The following FHOD3 variants were observed in gnomAD, a reference collection of about 807,000 sequenced individuals.
FHOD3 encodes the protein FH1/FH2 domain-containing protein 3.
A neutral mutation model predicts 173.0 loss-of-function variants in FHOD3; 90 were observed. That is an observed-to-expected ratio of 0.52 (90% CI 0.44 to 0.62). FHOD3 has a LOEUF of 0.62. Ranked by LOEUF, FHOD3 falls within the 20% of genes least tolerant of loss-of-function variation. The pLI is 0.00. For missense variants in FHOD3, 1,945 were observed against 2,034.7 expected (o/e 0.96, Z 0.85); for synonymous variants, 828 against 823.0 (o/e 1.01, Z -0.10).
At chr18:36,512,290 A>G (rs573375024) in intron 4 of FHOD3, 148 bp from the exon 5 acceptor site, 18 of 646,082 alleles carry the variant, frequency 2.8e-5, no homozygotes, top group Non-Finnish European at 3.9e-5. Context: ...TCTTTTGGCA[A>G]CAGTTGATAT....
intron 20 of FHOD3, among the ~76,000 whole-genome samples, chr18:36,737,502 C>A (rs1204501004): frequency 6.6e-6 from 1 of 152,124 alleles, no homozygotes; most frequent in Non-Finnish European, 1.5e-5. Context: ...AGGTTGTGGG[C>A]AAGCAAGGAA....
chr18:36,584,103 C>G (rs981375917), intron 6 of FHOD3, among the ~76,000 whole-genome samples: 1 of 152,210 alleles, frequency 6.6e-6, no homozygotes, highest in Middle Eastern at 3.2e-3. Context: ...GCTAAGAATA[C>G]AGGCGTGAGC....
chr18:36,376,907 C>T (rs559986337), intron 3 of FHOD3, among the ~76,000 whole-genome samples: 19 of 152,306 alleles, frequency 1.2e-4, no homozygotes, highest in African/African-American at 4.3e-4. Flanking sequence ...CACAGCCAGC[C>T]GATTTAGGAG....
intron 1 of FHOD3, among the ~76,000 whole-genome samples, chr18:36,321,076 A>AT (rs5824009): frequency 0.22 from 32,883 of 147,842 alleles, 4,803 homozygotes; most frequent in African/African-American, 0.42. Context: ...ATTTCCTGTG[A>AT]TTTTTTTTTT....
At chr18:36,637,837 A>G (rs1188061391) in intron 10 of FHOD3, among the ~76,000 whole-genome samples, 1 of 152,208 alleles carries the variant, frequency 6.6e-6, no homozygotes, top group Non-Finnish European at 1.5e-5. Context: ...CAGCATGGCA[A>G]ACAATTGGGG....
At chr18:36,692,143 A>G (rs1239163886) in intron 16 of FHOD3, among the ~76,000 whole-genome samples, 1 of 152,198 alleles carries the variant, frequency 6.6e-6, no homozygotes, top group East Asian at 1.9e-4. Flanking sequence ...AGATCGAGAA[A>G]CCACACCCAC....
chr18:36,603,522 G>C (rs1599837305), intron 8 of FHOD3, among the ~76,000 whole-genome samples: 1 of 151,584 alleles, frequency 6.6e-6, no homozygotes. Flanking sequence ...ATTATTATTT[G>C]AGGCAGAGTC....
Position 36,717,919 on chromosome 18 carries a change from T to G in FHOD3, c.2621T>G (p.Leu874Arg). The change falls in exon 19 of 29, where the codon CTG becomes CGG. Residue 874 changes from leucine to arginine, a missense_variant. Leu to Arg is a moderately radical substitution (Grantham distance 102). Around this residue, in one of 5 missense-constraint regions of FHOD3, gnomAD observed 1,099 missense variants for 1,051.2 expected, o/e 1.05. Coordinates refer to ENST00000590592, the MANE Select transcript of FHOD3 (RefSeq NM_001281740.3). ...LTNKRFMLDM[L>R]YAHNRKSPDD... ...AACAAACGGTTCATGCTTGACATGC[T>G]GTATGCCCATAACAGGAAGTCTCCG... 2 of 1,613,934 alleles carry G rather than the reference T, an allele frequency of 1.2e-6. No homozygotes were observed. The highest frequency in any genetic ancestry group is 1.7e-6 in the Non-Finnish European group (2 of 1,179,926).
intron 10 of FHOD3, among the ~76,000 whole-genome samples, chr18:36,635,695 A>G (rs1599987146): frequency 1.3e-5 from 2 of 152,224 alleles, no homozygotes; most frequent in Non-Finnish European, 1.5e-5. Flanking sequence ...GGATGTATCT[A>G]TGGGTCAGGC....
chr18:36,718,774 G>C, intron 19 of FHOD3, 59 bp downstream of exon 19: 1 of 1,547,324 alleles, frequency 6.5e-7, no homozygotes, highest in Non-Finnish European at 8.7e-7. Context: ...GAAGAGATTC[G>C]TTCTGTATAA....
chr18:36,475,916 ATG>A (rs2053550483), intron 3 of FHOD3, among the ~76,000 whole-genome samples: 1 of 152,130 alleles, frequency 6.6e-6, no homozygotes, highest in Non-Finnish European at 1.5e-5. Context: ...GCTCTAGAAA[ATG>A]TTATCTAAAA....
At chr18:36,575,795 T>C (rs1456397935) in intron 5 of FHOD3, among the ~76,000 whole-genome samples, 1 of 152,212 alleles carries the variant, frequency 6.6e-6, no homozygotes, top group Non-Finnish European at 1.5e-5. Context: ...AGCTAGTGTT[T>C]TCTGTTTGGA....
intron 17 of FHOD3, among the ~76,000 whole-genome samples, chr18:36,703,119 C>A (rs1220677994): frequency 6.6e-6 from 1 of 152,212 alleles, no homozygotes; most frequent in African/African-American, 2.4e-5. Flanking sequence ...TCGTGGGACA[C>A]TGTTCCCACC....
At chr18:36,334,067 C>T (rs1438781500) in intron 1 of FHOD3, among the ~76,000 whole-genome samples, 1 of 152,172 alleles carries the variant, frequency 6.6e-6, no homozygotes, top group East Asian at 1.9e-4. Flanking sequence ...TCTCTCTGAC[C>T]TCTGTTGAGT....
intron 3 of FHOD3, among the ~76,000 whole-genome samples, chr18:36,433,870 G>A (rs1362355553): frequency 1.3e-5 from 2 of 152,102 alleles, no homozygotes; most frequent in African/African-American, 2.4e-5. Context: ...TCAGAAAAAT[G>A]CACCCACTTT....
At chr18:36,555,779 A>G (rs1274248354) in intron 5 of FHOD3, among the ~76,000 whole-genome samples, 2 of 152,156 alleles carry the variant, frequency 1.3e-5, no homozygotes, top group African/African-American at 4.8e-5. Context: ...CCCCTTTATC[A>G]TTATGAAATG....
At chr18:36,451,312 G>A (rs1014966960) in intron 3 of FHOD3, among the ~76,000 whole-genome samples, 6 of 152,204 alleles carry the variant, frequency 3.9e-5, no homozygotes, top group Non-Finnish European at 7.3e-5. Flanking sequence ...AATAGCTGAT[G>A]TCACAGACTA....
chr18:36,377,292 C>G (rs940779196), intron 3 of FHOD3, among the ~76,000 whole-genome samples: 1 of 152,182 alleles, frequency 6.6e-6, no homozygotes, highest in Admixed American at 6.5e-5. Context: ...CCGAGTACCA[C>G]CTTCCTCCAC....
At chr18:36,457,445 A>G (rs1001296299) in intron 3 of FHOD3, among the ~76,000 whole-genome samples, 1 of 152,106 alleles carries the variant, frequency 6.6e-6, no homozygotes, top group Non-Finnish European at 1.5e-5. Flanking sequence ...TGTAGCACAC[A>G]CAAGCTTCCG....
Sources: allele counts gnomAD v4.1 joint callset (sites outside exome capture counted in the v4.1 genomes callset), GRCh38; gene constraint gnomAD v4.1.1; regional missense constraint gnomAD v4.1.1; transcripts MANE v1.5; gene names NCBI Gene and HGNC (gene_info 2026-07-23, HGNC 2026-07-21).